The following GFM1 variants were observed in gnomAD, a reference collection of about 807,000 sequenced individuals.
The protein encoded by GFM1 is elongation factor G, mitochondrial.
In GFM1, 62 loss-of-function variants were observed where a neutral mutation model predicts 96.2. The observed-to-expected ratio is 0.64, with a 90% CI of 0.53 to 0.80. GFM1 has a LOEUF of 0.80. GFM1 is among the 30% of genes least tolerant of loss of function. GFM1 has a pLI of 0.00. For missense variants in GFM1, 852 were observed against 916.6 expected, an observed-to-expected ratio of 0.93 and a Z score of 0.91; for synonymous variants, 282 against 312.9, an observed-to-expected ratio of 0.90 and a Z score of 1.04.
chr3:158,649,267 C>A (rs1264121779), intron 5 of GFM1, 110 bp downstream of exon 5: 4 of 643,448 alleles, frequency 6.2e-6, no homozygotes, highest in African/African-American at 5.6e-5. Flanking sequence ...AATGCGACTG[C>A]AAGAATACTC....
intron 4 of GFM1, among the ~76,000 whole-genome samples, chr3:158,648,502 C>T (rs1722020357): frequency 6.6e-6 from 1 of 152,002 alleles, no homozygotes; most frequent in Admixed American, 6.6e-5. Context: ...CATAGTGAAA[C>T]CCCATCTCTA....
At chr3:158,673,989 A>G (rs1724638152) in intron 13 of GFM1, among the ~76,000 whole-genome samples, 1 of 151,098 alleles carries the variant, frequency 6.6e-6, no homozygotes, top group Non-Finnish European at 1.5e-5. Flanking sequence ...CTGCTTGCCC[A>G]TCATCTTGTA....
intron 13 of GFM1, chr3:158,672,594 G>A (rs1291336923): frequency 2.3e-6 from 3 of 1,290,956 alleles, no homozygotes; most frequent in Non-Finnish European, 3.2e-6. Flanking sequence ...AAAGTCGCAA[G>A]CTCCTTCAGT....
rs748809628 is a variant in GFM1, at chr3:158,649,158, GT to G, written c.689+2del. On this transcript the variant is annotated splice_donor_variant, in intron 5 of 17. Coordinates refer to ENST00000486715, the MANE Select transcript of GFM1 (RefSeq NM_024996.7). LOFTEE classifies it high-confidence loss of function. ...CCATCTATTTTGATGGAGACTTTGGGTAAGTGCTAAAAATACATTATTAAAA... is the reference window on the plus strand; with the variant it reads ...CCATCTATTTTGATGGAGACTTTGGGAAGTGCTAAAAATACATTATTAAAA... 1.7e-6 allele frequency: 2 copies of G among 1,147,830 alleles called. No individual in the cohort carries two copies. The highest frequency in any genetic ancestry group is 2.6e-6 in the Non-Finnish European group (2 of 756,376). 71.1% of individuals were successfully genotyped at this position (1,147,830 alleles called of 1,614,324 possible).
chr3:158,691,335 G>A lies in GFM1; in HGVS notation c.2125-1G>A, dbSNP rs1437640913. ...ACCCTCTCTTTTTTTTAAATCCCTA[G>A]GGAAAGGGAGAATACACAATGGAGT... On this transcript the variant is annotated splice_acceptor_variant, in intron 17 of 17. Coordinates refer to ENST00000486715, the MANE Select transcript of GFM1 (RefSeq NM_024996.7). LOFTEE classifies it high-confidence loss of function. The A allele has an allele frequency of 6.2e-7, 1 of 1,613,520 alleles. No homozygotes were observed. The highest frequency in any genetic ancestry group is 1.7e-5 in the Admixed American group (1 of 59,990).
Position 158,682,125 on chromosome 3 carries a change from A to G in GFM1, c.1732A>G (p.Ile578Val), listed in dbSNP as rs1725439221. 1.2e-6 allele frequency: 2 copies of G among 1,613,898 alleles called. No homozygotes were observed. Among genetic ancestry groups the G allele is most frequent in the Non-Finnish European group, 8.5e-7 (1 of 1,179,880 alleles). The change falls in exon 14 of 18, where the codon ATT becomes GTT. Residue 578 changes from isoleucine to valine, a missense_variant. By Grantham distance (29) the Ile-to-Val change is conservative. Transcript: ENST00000486715. ...EFSDETFGSN[I>V]PKQFVPAVEK... ...TTCAGATGAAACATTCGGATCAAAT[A>G]TTCCAAAGCAGTTTGTGCCTGCTGT... is the stretch of plus-strand genomic sequence containing the variant.
chr3:158,654,205 C>CTTTAAGACCT (rs1491585016), intron 7 of GFM1, among the ~76,000 whole-genome samples: 6 of 85,976 alleles, frequency 7.0e-5, no homozygotes, highest in African/African-American at 2.9e-4. Context: ...CTCTAAAGAC[C>CTTTAAGACCT]TTTTTTTTTT....
intron 13 of GFM1, chr3:158,669,020 T>A (rs1212468769): frequency 6.2e-7 from 1 of 1,612,368 alleles, no homozygotes; most frequent in South Asian, 1.1e-5. Flanking sequence ...TTTGAATTTT[T>A]ACCATTTTAT....
chr3:158,689,747 CAAA>C (rs202180927), intron 15 of GFM1, among the ~76,000 whole-genome samples: 73 of 92,264 alleles, frequency 7.9e-4, no homozygotes, highest in African/African-American at 2.1e-3. Flanking sequence ...GCTTGGGTGA[CAAA>C]AAAAAAAAAA....
At chr3:158,649,764 G>T (rs1722140829) in intron 5 of GFM1, 2 of 487,538 alleles carry the variant, frequency 4.1e-6, no homozygotes, top group Admixed American at 6.3e-5. Context: ...CCTTAGCGTT[G>T]TTCATAACAA....
chr3:158,653,507 C>T (rs1374628998), intron 7 of GFM1, 40 bp downstream of exon 7: 1 of 1,477,038 alleles, frequency 6.8e-7, no homozygotes, highest in South Asian at 1.1e-5. Flanking sequence ...TGCAGAAATA[C>T]TTTCGTATTT....
intron 5 of GFM1, chr3:158,649,787 T>C: frequency 1.9e-6 from 1 of 521,806 alleles, no homozygotes; most frequent in Non-Finnish European, 3.4e-6. Context: ...CCCTGGAGAC[T>C]TTGTTAAAAG....
Position 158,693,942 on chromosome 3 carries a change from A to G in GFM1, c.*2475A>G, listed in dbSNP as rs556582781. Among the ~76,000 whole-genome samples the G allele has an allele frequency of 8.3e-4, 127 of 152,248 alleles. 4 individuals are homozygous for G. The South Asian group carries it at 0.025, about 31-fold the overall frequency. On this transcript the variant is annotated 3_prime_UTR_variant, in exon 18 of 18. Coordinates refer to ENST00000486715, the MANE Select transcript of GFM1 (RefSeq NM_024996.7). The stretch of plus-strand genomic sequence containing the variant: ...TTAAGCCCAAGACATGAAATGAAAA[A>G]TCTGTGAAATTCAGGAGTGTCATAT...
At chr3:158,647,355 TGAG>T (rs1449858142) in intron 4 of GFM1, among the ~76,000 whole-genome samples, 1 of 152,260 alleles carries the variant, frequency 6.6e-6, no homozygotes, top group African/African-American at 2.4e-5. Context: ...GCCATAGAGA[TGAG>T]ATTTTCTTGT....
chr3:158,686,269 AATAT>A (rs1435810646), intron 15 of GFM1, among the ~76,000 whole-genome samples: 5 of 148,076 alleles, frequency 3.4e-5, no homozygotes, highest in African/African-American at 1.2e-4. Flanking sequence ...TAAAGTATAA[AATAT>A]ATATAAACCA....
chr3:158,683,518 G>A (rs1479967338), intron 14 of GFM1, among the ~76,000 whole-genome samples: 1 of 152,148 alleles, frequency 6.6e-6, no homozygotes, highest in Non-Finnish European at 1.5e-5. Flanking sequence ...TGAAAAAATG[G>A]TGAATTACTC....
rs142211639 is a variant in GFM1 at position 158,669,561 on chromosome 3, T to C, written c.1601+3175T>C. ...GAAGTTGACTTCTGGTGCAGTTTCT[T>C]GTCCCGTTGAAGGGTAAAGTACTTC... On this transcript the variant is annotated intron_variant, in intron 13 of 17. Coordinates refer to ENST00000486715, the MANE Select transcript of GFM1 (RefSeq NM_024996.7). The C allele has an allele frequency of 5.2e-4, 846 of 1,613,950 alleles. 1 individual carries two copies. Among genetic ancestry groups the C allele is most frequent in the Middle Eastern group, 1.6e-3 (10 of 6,080 alleles).
At chr3:158,672,097 T>C (rs898816219) in intron 13 of GFM1, among the ~76,000 whole-genome samples, 4 of 152,206 alleles carry the variant, frequency 2.6e-5, no homozygotes, top group Non-Finnish European at 5.9e-5. Flanking sequence ...TCCCGTTTTC[T>C]TGTAACTGTG....
chr3:158,669,292 T>C lies in GFM1; in HGVS notation c.1601+2906T>C, dbSNP rs564078688. ...AAAATTTCTGAGGCCTCTTTTTTGT[T>C]GGATTGGATTAGAAATGAGTATTTT... On this transcript the variant is annotated intron_variant, in intron 13 of 17. Transcript: ENST00000486715. The C allele has an allele frequency of 3.7e-3, 4,354 of 1,183,442 alleles. 9 individuals are homozygous for C. Among genetic ancestry groups the C allele is most frequent in the Non-Finnish European group, 4.8e-3 (4,100 of 854,548 alleles). The allele number at this position is 1,183,442 out of a possible 1,614,324, so 73.3% of individuals were successfully genotyped here.
Sources: allele counts gnomAD v4.1 joint callset (sites outside exome capture counted in the v4.1 genomes callset), GRCh38; gene constraint gnomAD v4.1.1; transcripts MANE v1.5; gene names NCBI Gene and HGNC (gene_info 2026-07-23, HGNC 2026-07-21).